Variants in BTG4 observed in about 807,000 individuals in gnomAD.
The protein encoded by BTG4 is BTG anti-proliferation factor 4, also known as protein BTG4.
A neutral mutation model predicts 19.3 loss-of-function variants in BTG4; 10 were observed. The ratio of observed to expected loss-of-function variants is 0.52; its 90% CI spans 0.32 to 0.88. The LOEUF is 0.88. Among genes scored for constraint, BTG4 ranks in the 40% least tolerant of loss-of-function variants. The probability of loss-of-function intolerance (pLI) is 0.04; values close to 1 mark genes in which losing one functional copy is unlikely to be tolerated. For synonymous variants in BTG4, 91 were observed against 95.7 expected, an observed-to-expected ratio of 0.95 and a Z score of 0.29; for missense variants, 238 against 281.9, an observed-to-expected ratio of 0.84 and a Z score of 1.11.
chr11:111,421,069 G>C, the BTG4 span, among the ~76,000 whole-genome samples: 4 of 152,198 alleles, frequency 2.6e-5, no homozygotes, highest in Admixed American at 2.6e-4. Context: ...TTATGCAAAG[G>C]CCTTAAGGCT....
chr11:111,424,175 G>A, the BTG4 span, among the ~76,000 whole-genome samples: 4 of 152,278 alleles, frequency 2.6e-5, no homozygotes, highest in African/African-American at 9.6e-5. Flanking sequence ...TCATCTTTAG[G>A]GCATCTCCCA....
At chr11:111,434,292 G>A in the BTG4 span, among the ~76,000 whole-genome samples, 2 of 152,198 alleles carry the variant, frequency 1.3e-5, no homozygotes, top group African/African-American at 4.8e-5. Flanking sequence ...TCAGCAAACT[G>A]TCACAAGGAC....
At chr11:111,491,448 AT>A, downstream of BTG4, among the ~76,000 whole-genome samples, 1 of 152,188 alleles carries the variant, frequency 6.6e-6, no homozygotes, top group South Asian at 2.1e-4. Context: ...CAAGATAAAA[AT>A]TTTTTTAAAA....
chr11:111,444,717 A>G, the BTG4 span, among the ~76,000 whole-genome samples: 32 of 152,232 alleles, frequency 2.1e-4, no homozygotes, highest in Non-Finnish European at 4.4e-4. Flanking sequence ...TTTAAAAAAT[A>G]AAAATTAAAA....
At chr11:111,491,747 A>AAAAG (rs1051597443), downstream of BTG4, among the ~76,000 whole-genome samples, 2 of 150,428 alleles carry the variant, frequency 1.3e-5, no homozygotes, top group East Asian at 1.9e-4. Context: ...AAAAAAAAAA[A>AAAAG]AAAGAAAGAA....
intron 1 of BTG4, among the ~76,000 whole-genome samples, chr11:111,503,900 T>G (rs1198335075): frequency 6.6e-6 from 1 of 152,192 alleles, no homozygotes; most frequent in African/African-American, 2.4e-5. Flanking sequence ...TACATTTGTC[T>G]TCTTGGTTTT....
intron 1 of BTG4, among the ~76,000 whole-genome samples, chr11:111,500,240 T>C (rs1865984818): frequency 6.6e-6 from 1 of 152,222 alleles, no homozygotes; most frequent in South Asian, 2.1e-4. Context: ...TGGCAATCAG[T>C]AGTTATCAAG....
At chr11:111,486,169 A>T (rs768687149) in intron 5 of BTG4, among the ~76,000 whole-genome samples, 2 of 152,158 alleles carry the variant, frequency 1.3e-5, no homozygotes. Flanking sequence ...TTAAAGAACT[A>T]TGATGCCTGT....
At chr11:111,513,719 T>C (rs557853928), upstream of BTG4, among the ~76,000 whole-genome samples, 16 of 152,322 alleles carry the variant, frequency 1.1e-4, no homozygotes, top group Non-Finnish European at 1.8e-4. Context: ...TCCTTCAGGC[T>C]CTTAACCAAA....
intron 5 of BTG4, among the ~76,000 whole-genome samples, chr11:111,478,120 C>T (rs1864505083): frequency 6.6e-6 from 1 of 152,120 alleles, no homozygotes; most frequent in Admixed American, 6.6e-5. Context: ...GCCATCACCA[C>T]CACCACCTCC....
intron 5 of BTG4, among the ~76,000 whole-genome samples, chr11:111,481,812 A>C (rs1864757767): frequency 6.6e-6 from 1 of 151,936 alleles, no homozygotes; most frequent in African/African-American, 2.4e-5. Context: ...TGGGACTAGA[A>C]GGGAACTTCC....
chr11:111,404,712 G>T, the BTG4 span: 1 of 455,584 alleles, frequency 2.2e-6, no homozygotes, highest in Middle Eastern at 3.3e-4. Context: ...CTTTTTCTTG[G>T]AATTGTTTCC....
the BTG4 span, among the ~76,000 whole-genome samples, chr11:111,396,488 T>C: frequency 6.6e-6 from 1 of 152,226 alleles, no homozygotes. Context: ...GAACATTCAC[T>C]ACCCCCTTGT....
At chr11:111,454,027 T>A in the BTG4 span, among the ~76,000 whole-genome samples, 4 of 152,318 alleles carry the variant, frequency 2.6e-5, no homozygotes, top group African/African-American at 9.6e-5. Flanking sequence ...ATCTTCTGCT[T>A]CAGTAGGTCT....
At chr11:111,457,686 T>C in the BTG4 span, among the ~76,000 whole-genome samples, 138,553 of 150,744 alleles carry the variant, frequency 0.92, 64,813 homozygotes, top group East Asian at 1. Context: ...TCTCCACCTG[T>C]CACCACCATG....
intron 5 of BTG4, among the ~76,000 whole-genome samples, chr11:111,475,625 C>T (rs1363083525): frequency 6.6e-6 from 1 of 152,060 alleles, no homozygotes; most frequent in Non-Finnish European, 1.5e-5. Context: ...AACACCATCA[C>T]ATGAATTTAG....
chr11:111,444,776 A>G, the BTG4 span, among the ~76,000 whole-genome samples: 1 of 152,094 alleles, frequency 6.6e-6, no homozygotes, highest in African/African-American at 2.4e-5. Context: ...TCAGAACTGG[A>G]TGAAAGGCAA....
the BTG4 span, chr11:111,414,173 G>A: frequency 2.0e-5 from 3 of 152,254 alleles, no homozygotes; most frequent in African/African-American, 7.2e-5. Context: ...TTGGTTTAAT[G>A]AAGTTGCACA....
the BTG4 span, among the ~76,000 whole-genome samples, chr11:111,427,433 C>T: frequency 6.6e-6 from 1 of 152,252 alleles, no homozygotes; most frequent in East Asian, 1.9e-4. Flanking sequence ...CTCAAAGGAC[C>T]GCTCTGATCT....
Sources: gnomAD v4.1 joint callset for allele counts (sites outside exome capture counted in the v4.1 genomes callset) on GRCh38, gnomAD v4.1.1 for gene constraint, MANE v1.5 for transcripts, NCBI Gene and HGNC (gene_info 2026-07-23, HGNC 2026-07-21) for gene names.